The following TET3 variants were observed in gnomAD, a reference collection of about 807,000 sequenced individuals.
TET3 encodes tet methylcytosine dioxygenase 3, also known as methylcytosine dioxygenase TET3.
TET3 carries 19 observed loss-of-function variants against 141.4 expected under a neutral mutation model. That is an observed-to-expected ratio of 0.13 (90% confidence interval 0.09 to 0.20). The LOEUF (loss-of-function observed/expected upper bound fraction) is 0.20, where lower values mean the gene tolerates loss of function less well. TET3 is among the 10% of genes least tolerant of loss of function. The pLI is 1.00. For synonymous variants in TET3, 1,043 were observed against 980.9 expected (o/e 1.06, Z -1.18); for missense variants, 1,874 against 2,356.9 (o/e 0.80, Z 4.24).
At position 74,103,722 on chromosome 2, in the gene TET3, C is replaced by G. The variant is rs1399683877; in HGVS notation, c.*1546C>G. On this transcript the variant is annotated 3_prime_UTR_variant, in exon 12 of 12. Transcript: ENST00000409262. ...CAACACTCATCATCACCAAGTCAAA[C>G]TTTGTTGGAGTGTTGGTTTTTCTTG... 1 of 153,420 alleles carries G rather than the reference C, an allele frequency of 6.5e-6. No individual in the cohort carries two copies. The highest frequency in any genetic ancestry group is 1.9e-4 in the East Asian group (1 of 5,188). 9.5% of individuals were successfully genotyped at this position (153,420 alleles called of 1,614,324 possible). A position where few individuals can be genotyped will look rare whatever the true frequency, so the allele number is the denominator to read the frequency against.
chr2:73,986,442 C>A lies in TET3; in HGVS notation c.39C>A (p.Asp13Glu). ...QFQVPLAVQP[D>E]LPGLYDFPQR... ...AGGTGCCCCTGGCCGTCCAGCCGGA[C>A]CTGCCAGGCCTTTATGACTTCCCTC... The change falls in exon 2 of 12, where the codon GAC becomes GAA. Residue 13 changes from aspartate (D) to glutamate (E), a missense_variant. Asp to Glu is a conservative substitution (Grantham distance 45). Around this residue, in one of 10 missense-constraint regions of TET3, gnomAD observed 366 missense variants for 487.0 expected, o/e 0.75. Coordinates refer to ENST00000409262, the MANE Select transcript of TET3 (RefSeq NM_001287491.2). 1 of 1,232,220 alleles carries A rather than the reference C, an allele frequency of 8.1e-7. No homozygotes were observed. The highest frequency in any genetic ancestry group is 3.2e-5 in the East Asian group (1 of 31,714). 76.3% of individuals were successfully genotyped at this position (1,232,220 alleles called of 1,614,324 possible). A position where few individuals can be genotyped will look rare whatever the true frequency, so the allele number is the denominator to read the frequency against.
intron 3 of TET3, among the ~76,000 whole-genome samples, chr2:74,010,107 C>T (rs891829196): frequency 6.6e-6 from 1 of 152,216 alleles, no homozygotes; most frequent in African/African-American, 2.4e-5. Context: ...GTCATTTGGA[C>T]CCTGGGTAGT....
In TET3 at chr2:74,047,532, T is replaced by C; in HGVS notation, c.1615T>C (p.Phe539Leu). The stretch of plus-strand genomic sequence containing the variant: ...GCACCTCCACCACAAGCGCAGCCTC[T>C]TCCTAGAACAGGTGCACGACACCTC... ...QQHLHHKRSLFLEQVHDTSFP... is the reference protein window; with the variant it reads ...QQHLHHKRSLLLEQVHDTSFP... Residue 539 changes from phenylalanine (F) to leucine (L), a missense_variant, in exon 4 of 12, where the codon TTC becomes CTC. By Grantham distance (22) the Phe-to-Leu change is conservative. Transcript: ENST00000409262. The C allele has an allele frequency of 6.2e-7, 1 of 1,613,626 alleles. No homozygotes were observed. Among genetic ancestry groups the C allele is most frequent in the Non-Finnish European group, 8.5e-7 (1 of 1,179,876 alleles).
chr2:74,060,627 A>G (rs1245202401), intron 4 of TET3, among the ~76,000 whole-genome samples: 2 of 152,090 alleles, frequency 1.3e-5, no homozygotes, highest in African/African-American at 4.8e-5. Flanking sequence ...GCAGATAAAC[A>G]AGTGAACAAA....
Position 74,082,254 on chromosome 2 carries a change from G to T in TET3, c.2679+1663G>T, listed in dbSNP as rs1022155206. ...GGTAAAGCGATAAGTCCTGGTCAGG[G>T]CTCGTGTGGCCCCACTGAGGGCTGG... On this transcript the variant is annotated intron_variant, in intron 6 of 11. Transcript: ENST00000409262. Among the ~76,000 whole-genome samples the T allele has an allele frequency of 2.5e-4, 38 of 152,126 alleles. 1 individual carries two copies. Among genetic ancestry groups the T allele is most frequent in the Admixed American group, 2.4e-3 (36 of 15,276 alleles).
the TET3 span, chr2:74,120,719 T>A: frequency 1.3e-5 from 2 of 152,366 alleles, no homozygotes; most frequent in Non-Finnish European, 2.9e-5. Context: ...AAATCGATAG[T>A]CTTGAGAAAT....
the TET3 span, among the ~76,000 whole-genome samples, chr2:74,124,846 T>G: frequency 6.6e-6 from 1 of 151,664 alleles, no homozygotes; most frequent in Non-Finnish European, 1.5e-5. Context: ...CATGTTTATC[T>G]GCTGACCTTC....
chr2:74,065,149 A>G (rs1431166350), intron 4 of TET3, among the ~76,000 whole-genome samples: 1 of 152,244 alleles, frequency 6.6e-6, no homozygotes, highest in East Asian at 1.9e-4. Flanking sequence ...TAGTATTGCC[A>G]TGGTTTAAGT....
rs1186762721 is a variant in TET3 at position 73,994,615 on chromosome 2, TTTCTTTC to T, written c.303+7912_303+7918del. On this transcript the variant is annotated intron_variant, in intron 2 of 11. Transcript: ENST00000409262. ...GAAGTATATTATCAGGTCTATTTTT[TTTCTTTC>T]TTTCTTTCTTTCTTTCTTTTTTTTT... Among the ~76,000 whole-genome samples, 1,108 of 135,320 alleles carry T rather than the reference TTTCTTTC, an allele frequency of 8.2e-3. 22 individuals carry two copies. Among genetic ancestry groups the T allele is most frequent in the African/African-American group, 0.036 (1,049 of 29,432 alleles). The allele number at this position is 135,320 out of a possible 152,430, so 88.8% of individuals were successfully genotyped here.
In TET3 at chr2:74,100,376, G is replaced by T. The variant is rs1339925816; in HGVS notation, c.3605-17G>T. ...GTGTTGTCTGCCCCTCTGCCATCTT[G>T]CCTTCTGTTTCCCCAGGCCTGTCTC... is the stretch of plus-strand genomic sequence containing the variant. On this transcript the variant is annotated splice_polypyrimidine_tract_variant and intron_variant, in intron 11 of 11. Transcript: ENST00000409262. The T allele has an allele frequency of 6.4e-7, 1 of 1,552,542 alleles. No individual in the cohort carries two copies. The highest frequency in any genetic ancestry group is 2.0e-5 in the Admixed American group (1 of 51,228).
chr2:73,994,320 G>GAAGA (rs1408399358), intron 2 of TET3, among the ~76,000 whole-genome samples: 3 of 152,204 alleles, frequency 2.0e-5, no homozygotes, highest in Admixed American at 1.3e-4. Context: ...CTTGTATGAA[G>GAAGA]AAGAGGTCAG....
chr2:74,005,601 T>A lies in TET3; in HGVS notation c.360+2435T>A, dbSNP rs1429196504. On this transcript the variant is annotated intron_variant, in intron 3 of 11. Coordinates refer to ENST00000409262, the MANE Select transcript of TET3 (RefSeq NM_001287491.2). ...GAGCTCATCTTGGTCTGGTGTGAGA[T>A]CAGACCAAGACCCTGGGACACGGGA... 5.9e-5 allele frequency among the ~76,000 whole-genome samples: 9 copies of A among 152,082 alleles called. No homozygotes were observed. The East Asian group carries it at 1.7e-3, about 29-fold the overall frequency.
In TET3 at chr2:74,089,982, G is replaced by A; in HGVS notation, c.2974G>A (p.Gly992Ser). The change falls in exon 8 of 12, where the codon GGC (glycine) becomes AGC (serine). Residue 992 changes from glycine (G) to serine (S), a missense_variant. Gly to Ser is a moderately conservative substitution (Grantham distance 56). Coordinates refer to ENST00000409262, the MANE Select transcript of TET3 (RefSeq NM_001287491.2). Reference protein sequence around the residue: ...FGCSWSMYFNGCKYARSKTPR... With the variant: ...FGCSWSMYFNSCKYARSKTPR... The stretch of plus-strand genomic sequence containing the variant: ...TTGTTCCTGGAGCATGTACTTCAAC[G>A]GCTGCAAGTATGCTCGGAGCAAGAC... 1.2e-6 allele frequency: 2 copies of A among 1,614,068 alleles called. No homozygotes were observed. The highest frequency in any genetic ancestry group is 1.7e-6 in the Non-Finnish European group (2 of 1,179,906).
intron 4 of TET3, 35 bp downstream of exon 4, chr2:74,048,446 A>G: frequency 3.2e-6 from 5 of 1,566,482 alleles, no homozygotes; most frequent in Non-Finnish European, 4.3e-6. Flanking sequence ...AGGGCAGAGA[A>G]AGGGCTGTGG....
chr2:73,996,499 C>G (rs925815523), intron 2 of TET3, among the ~76,000 whole-genome samples: 7 of 152,040 alleles, frequency 4.6e-5, no homozygotes, highest in Admixed American at 4.6e-4. Flanking sequence ...AATCTGATAA[C>G]CTAAGATTTT....
Position 73,986,744 on chromosome 2 carries a change from C to T in TET3, c.303+38C>T, listed in dbSNP as rs933159589. On this transcript the variant is annotated intron_variant, in intron 2 of 11. Coordinates refer to ENST00000409262, the MANE Select transcript of TET3 (RefSeq NM_001287491.2). ...TTGCTGGGCTACCCTGTTCCTTCCT[C>T]GAGGGCACGGTGATCACGGGGGTCT... 13 of 1,230,688 alleles carry T rather than the reference C, an allele frequency of 1.1e-5. No homozygotes were observed. The African/African-American group carries it at 1.4e-4, about 13-fold the overall frequency. The allele number at this position is 1,230,688 out of a possible 1,614,324, so 76.2% of individuals were successfully genotyped here.
chr2:74,076,451 T>G (rs960559563), intron 5 of TET3, among the ~76,000 whole-genome samples: 4 of 141,906 alleles, frequency 2.8e-5, no homozygotes, highest in South Asian at 2.3e-4. Flanking sequence ...GTTTTTTTTT[T>G]TTTTTTTTTT....
At chr2:74,123,569 G>A in the TET3 span, among the ~76,000 whole-genome samples, 158 of 152,316 alleles carry the variant, frequency 1.0e-3, no homozygotes, top group African/African-American at 3.7e-3. Context: ...GGGAAATCAG[G>A]AAAGGCTGGA....
At chr2:74,007,786 G>A (rs1322292473) in intron 3 of TET3, among the ~76,000 whole-genome samples, 1 of 152,200 alleles carries the variant, frequency 6.6e-6, no homozygotes, top group Non-Finnish European at 1.5e-5. Flanking sequence ...GACTAAATCT[G>A]GGGAAGGACC....
Sources: gnomAD v4.1 joint callset for allele counts (sites outside exome capture counted in the v4.1 genomes callset) on GRCh38, gnomAD v4.1.1 for gene constraint, gnomAD v4.1.1 regional missense constraint, MANE v1.5 for transcripts, NCBI Gene and HGNC (gene_info 2026-07-23, HGNC 2026-07-21) for gene names.